The following GPHN variants were observed in gnomAD, a reference collection of about 807,000 sequenced individuals.
GPHN encodes gephyrin.
A neutral mutation model predicts 95.5 loss-of-function variants in GPHN; 17 were observed. That is an observed-to-expected ratio of 0.18 (90% CI 0.12 to 0.27). The LOEUF (loss-of-function observed/expected upper bound fraction) is 0.27, where lower values mean the gene tolerates loss of function less well. Among genes scored for constraint, GPHN ranks in the 10% least tolerant of loss-of-function variants. The pLI is 1.00. For missense variants in GPHN, 660 were observed against 978.1 expected (o/e 0.67, Z 4.34); for synonymous variants, 320 against 322.5 (o/e 0.99, Z 0.08).
At chr14:67,200,036 AC>A in the GPHN span, 1 of 932,504 alleles carries the variant, frequency 1.1e-6, no homozygotes, top group East Asian at 2.6e-5. Context: ...CATTCTGGAC[AC>A]CCAGGCTCTG....
chr14:67,445,067 C>T, the GPHN span, among the ~76,000 whole-genome samples: 1 of 152,162 alleles, frequency 6.6e-6, no homozygotes, highest in African/African-American at 2.4e-5. Flanking sequence ...GGCCAAGTTA[C>T]ACAAATTCTT....
intron 8 of GPHN, among the ~76,000 whole-genome samples, chr14:66,958,226 T>G (rs1184188004): frequency 6.6e-6 from 1 of 152,232 alleles, no homozygotes; most frequent in Non-Finnish European, 1.5e-5. Context: ...TTTATCATTA[T>G]ATAATGTCTT....
At chr14:66,626,881 T>A in intron 1 of GPHN, among the ~76,000 whole-genome samples, 1 of 152,080 alleles carries the variant, frequency 6.6e-6, no homozygotes, top group East Asian at 1.9e-4. Context: ...AACTTTGTGA[T>A]CCTACAAATT....
intron 2 of GPHN, among the ~76,000 whole-genome samples, chr14:66,703,709 C>T (rs549083705): frequency 2.6e-4 from 38 of 145,230 alleles, no homozygotes; most frequent in Admixed American, 1.1e-3. Flanking sequence ...ACCAATGACA[C>T]TATCAAGAAA....
the GPHN span, among the ~76,000 whole-genome samples, chr14:67,535,427 C>CTGGA: frequency 4.1e-5 from 5 of 120,544 alleles, no homozygotes; most frequent in East Asian, 1.1e-3. Context: ...GTTGCCCAGG[C>CTGGA]TGGAGTGCAG....
chr14:67,255,115 C>T, the GPHN span, among the ~76,000 whole-genome samples: 1 of 151,980 alleles, frequency 6.6e-6, no homozygotes, highest in African/African-American at 2.4e-5. Flanking sequence ...TGCCACTGCA[C>T]TCCAGCCTGG....
the GPHN span, chr14:67,583,607 A>G: frequency 1.2e-5 from 7 of 594,162 alleles, no homozygotes; most frequent in Non-Finnish European, 2.0e-5. Flanking sequence ...GCGTTTTTCT[A>G]AAGTATTTTT....
the GPHN span, among the ~76,000 whole-genome samples, chr14:67,453,870 G>T: frequency 6.6e-6 from 1 of 152,328 alleles, no homozygotes; most frequent in Non-Finnish European, 1.5e-5. Context: ...TCTGCCACTT[G>T]TCAGCTAGCT....
At chr14:66,517,304 A>G (rs1263778373) in intron 1 of GPHN, among the ~76,000 whole-genome samples, 4 of 152,190 alleles carry the variant, frequency 2.6e-5, no homozygotes, top group African/African-American at 9.6e-5. Context: ...CTTTCATAAA[A>G]TTAACATCCA....
chr14:66,921,504 C>CTTT (rs2066217247), intron 6 of GPHN, among the ~76,000 whole-genome samples: 1 of 150,764 alleles, frequency 6.6e-6, no homozygotes, highest in African/African-American at 2.4e-5. Flanking sequence ...GATATTAGCC[C>CTTT]TTTGTCAGAT....
intron 8 of GPHN, among the ~76,000 whole-genome samples, chr14:66,961,230 A>C (rs1214770300): frequency 6.6e-6 from 1 of 151,946 alleles, no homozygotes; most frequent in Non-Finnish European, 1.5e-5. Flanking sequence ...GGTTGTAAAC[A>C]TTTTATTCAT....
At chr14:67,116,329 CAGAA>C (rs918297245) in intron 16 of GPHN, among the ~76,000 whole-genome samples, 1 of 147,432 alleles carries the variant, frequency 6.8e-6, no homozygotes, top group African/African-American at 2.5e-5. Flanking sequence ...AAGAAAGAAA[CAGAA>C]GGAAAAGAAA....
the GPHN span, among the ~76,000 whole-genome samples, chr14:67,290,663 G>A: frequency 1.3e-5 from 2 of 152,116 alleles, no homozygotes; most frequent in Non-Finnish European, 2.9e-5. Context: ...ATCCCAAAGT[G>A]CTGGGAACAC....
At chr14:67,599,588 C>G in the GPHN span, among the ~76,000 whole-genome samples, 396 of 152,284 alleles carry the variant, frequency 2.6e-3, no homozygotes, top group Non-Finnish European at 3.8e-3. Flanking sequence ...GAGGCAAAGA[C>G]AGTTTGTGGA....
At chr14:66,643,057 A>G (rs1369193197) in intron 1 of GPHN, among the ~76,000 whole-genome samples, 1 of 152,132 alleles carries the variant, frequency 6.6e-6, no homozygotes, top group Non-Finnish European at 1.5e-5. Context: ...CATATATCCA[A>G]CAAAGGACTC....
the GPHN span, among the ~76,000 whole-genome samples, chr14:67,442,570 G>C: frequency 6.6e-6 from 1 of 152,158 alleles, no homozygotes; most frequent in Admixed American, 6.6e-5. Context: ...GTTTTCCTCT[G>C]TGTCCTGTCC....
chr14:66,572,692 G>T (rs1313237448), intron 1 of GPHN, among the ~76,000 whole-genome samples: 1 of 151,754 alleles, frequency 6.6e-6, no homozygotes, highest in Non-Finnish European at 1.5e-5. Context: ...TACATAAGAT[G>T]CTGTCAGCAA....
intron 1 of GPHN, 30 bp from the exon 2 acceptor site, chr14:66,681,077 T>C (rs751816832): frequency 7.7e-7 from 1 of 1,292,396 alleles, no homozygotes; most frequent in African/African-American, 1.5e-5. Context: ...CAAAAATTAA[T>C]TTTTTTTTCT....
intron 2 of GPHN, among the ~76,000 whole-genome samples, chr14:66,717,145 G>C (rs1221476936): frequency 6.6e-6 from 1 of 152,142 alleles, no homozygotes; most frequent in African/African-American, 2.4e-5. Flanking sequence ...TCTTAGGTTT[G>C]GTCGTTGAGC....
Sources: gnomAD v4.1 joint callset for allele counts (sites outside exome capture counted in the v4.1 genomes callset) on GRCh38, gnomAD v4.1.1 for gene constraint, MANE v1.5 for transcripts, NCBI Gene and HGNC (gene_info 2026-07-23, HGNC 2026-07-21) for gene names.